TRAPPC10: variants seen among roughly 807,000 people sequenced by gnomAD.
TRAPPC10 encodes the protein TRAPP 130 kDa subunit.
TRAPPC10 carries 23 observed loss-of-function variants against 125.5 expected under a neutral mutation model. The observed-to-expected ratio is 0.18, with a 90% CI of 0.13 to 0.26. The LOEUF is 0.26. TRAPPC10 is among the 10% of genes least tolerant of loss of function. The pLI is 1.00. For missense variants in TRAPPC10, 1,123 were observed against 1,308.4 expected, an observed-to-expected ratio of 0.86 and a Z score of 2.19; for synonymous variants, 509 against 518.0, an observed-to-expected ratio of 0.98 and a Z score of 0.24.
chr21:44,033,245 A>G (rs1168783202), intron 2 of TRAPPC10, among the ~76,000 whole-genome samples: 1 of 152,182 alleles, frequency 6.6e-6, no homozygotes, highest in African/African-American at 2.4e-5. Flanking sequence ...TTATAGCATT[A>G]TTCCTTTCTG....
Position 44,039,085 on chromosome 21 carries a change from C to G in TRAPPC10, c.285+1158C>G, listed in dbSNP as rs190483558. Among the ~76,000 whole-genome samples the G allele has an allele frequency of 2.4e-4, 37 of 152,332 alleles. 1 individual carries two copies. In the East Asian group the frequency reaches 4.8e-3, roughly 20 times the overall value. On this transcript the variant is annotated intron_variant, in intron 3 of 22. Coordinates refer to ENST00000291574, the MANE Select transcript of TRAPPC10 (RefSeq NM_003274.5). ...TTTGATCACTCCTCCAGGAGTTGTC[C>G]GGTTCCTCCCTGGCGTGGGGCTGTT... is the stretch of plus-strand genomic sequence containing the variant.
Position 44,063,441 on chromosome 21 carries a change from G to A in TRAPPC10, c.791-97G>A, listed in dbSNP as rs1317458482. ...CAGTGTTCATAGAAAAACTGGTTAT[G>A]AAGCTGCCTGTTTGCCCACCATCCT... On this transcript the variant is annotated intron_variant, in intron 6 of 22. Transcript: ENST00000291574. This position sits in a 1 kb window ranked among gnomAD's most constrained non-coding sequence, Gnocchi z 4.4. 1 of 1,524,938 alleles carries A rather than the reference G, an allele frequency of 6.6e-7. No individual in the cohort carries two copies. The highest frequency in any genetic ancestry group is 8.8e-7 in the Non-Finnish European group (1 of 1,130,942). 94.5% of individuals were successfully genotyped at this position (1,524,938 alleles called of 1,614,324 possible).
At chr21:44,046,803 C>T (rs569190598) in intron 3 of TRAPPC10, 28 of 539,622 alleles carry the variant, frequency 5.2e-5, no homozygotes, top group Admixed American at 4.0e-4. Context: ...CCACCGCACC[C>T]GGCCACCTTT....
chr21:44,094,890 G>GT (rs993980097), intron 20 of TRAPPC10, among the ~76,000 whole-genome samples: 2 of 151,910 alleles, frequency 1.3e-5, no homozygotes, highest in South Asian at 2.1e-4. Flanking sequence ...GATATTAGCA[G>GT]TTTTTTTCTA....
intron 3 of TRAPPC10, among the ~76,000 whole-genome samples, chr21:44,039,748 CCAG>C (rs2034280947): frequency 6.6e-6 from 1 of 152,146 alleles, no homozygotes; most frequent in Non-Finnish European, 1.5e-5. Context: ...GCCTGTAATC[CCAG>C]CTACTCGGTA....
At chr21:44,084,045 G>T in intron 14 of TRAPPC10, 77 bp from the exon 15 acceptor site, 1 of 1,564,452 alleles carries the variant, frequency 6.4e-7, no homozygotes, top group South Asian at 1.2e-5. Context: ...CAGAGAGACC[G>T]CTGCACCGCG....
chr21:44,043,071 A>G (rs1437422155), intron 3 of TRAPPC10, among the ~76,000 whole-genome samples: 1 of 152,084 alleles, frequency 6.6e-6, no homozygotes, highest in East Asian at 1.9e-4. Context: ...ACCATTTCAT[A>G]ATAGTGTGTC....
intron 4 of TRAPPC10, among the ~76,000 whole-genome samples, chr21:44,055,485 G>C (rs2035516163): frequency 6.6e-6 from 1 of 151,896 alleles, no homozygotes; most frequent in Non-Finnish European, 1.5e-5. Flanking sequence ...CAGCTACTGG[G>C]GAGGATCACT....
chr21:44,029,550 G>C (rs2033389664), intron 1 of TRAPPC10, among the ~76,000 whole-genome samples: 1 of 152,194 alleles, frequency 6.6e-6, no homozygotes, highest in South Asian at 2.1e-4. Flanking sequence ...TGTTAATGCA[G>C]CGCCTCAGTG....
rs564810178 is a variant in TRAPPC10 at position 44,079,426 on chromosome 21, G to A, written c.1470-138G>A. On this transcript the variant is annotated intron_variant, in intron 11 of 22. Coordinates refer to ENST00000291574, the MANE Select transcript of TRAPPC10 (RefSeq NM_003274.5). ...CTCTTTCTCACGGAGTGGGGTGGGT[G>A]GAAAAGGGCTATCTAGAGATGTTGA... The A allele has an allele frequency of 1.9e-5, 17 of 910,304 alleles. No individual in the cohort carries two copies. In the East Asian group the frequency reaches 4.9e-4, roughly 26 times the overall value. 56.4% of individuals were successfully genotyped at this position (910,304 alleles called of 1,614,324 possible).
intron 6 of TRAPPC10, among the ~76,000 whole-genome samples, chr21:44,061,760 A>C (rs2036075969): frequency 1.3e-5 from 2 of 152,100 alleles, no homozygotes; most frequent in African/African-American, 4.8e-5. Context: ...CTAGAACTTA[A>C]TCTGTTTATT....
intron 11 of TRAPPC10, chr21:44,079,359 G>T (rs749701968): frequency 1.9e-6 from 1 of 530,022 alleles, no homozygotes; most frequent in South Asian, 3.0e-5. Flanking sequence ...TCATTTCTCA[G>T]ATCTTTGCCT....
At chr21:44,043,592 C>G (rs563940771) in intron 3 of TRAPPC10, among the ~76,000 whole-genome samples, 1 of 152,070 alleles carries the variant, frequency 6.6e-6, no homozygotes, top group East Asian at 1.9e-4. Flanking sequence ...TTCCACATGT[C>G]GAGTGTCCAA....
In TRAPPC10 at chr21:44,063,133, C is replaced by T. The variant is rs2036180117; in HGVS notation, c.791-405C>T. The T allele has an allele frequency of 7.7e-7, 1 of 1,306,258 alleles. No homozygotes were observed. Among genetic ancestry groups the T allele is most frequent in the African/African-American group, 1.5e-5 (1 of 65,906 alleles). The allele number at this position is 1,306,258 out of a possible 1,614,324, so 80.9% of individuals were successfully genotyped here. ...TAATCTAAGGAAGACCAAAAAACAC[C>T]AGGATGGTCAGAGCAGGCTGCACTC... On this transcript the variant is annotated intron_variant, in intron 6 of 22. Transcript: ENST00000291574. This position sits in a 1 kb window ranked among gnomAD's most constrained non-coding sequence, Gnocchi z 4.4.
At chr21:44,057,234 T>C (rs2035665500) in intron 5 of TRAPPC10, among the ~76,000 whole-genome samples, 1 of 151,986 alleles carries the variant, frequency 6.6e-6, no homozygotes, top group East Asian at 1.9e-4. Flanking sequence ...TGAGAAAGTT[T>C]GGGATATTGG....
chr21:44,046,414 C>A, intron 3 of TRAPPC10: 1 of 278,648 alleles, frequency 3.6e-6, no homozygotes, highest in South Asian at 4.7e-5. Context: ...GACACCACCA[C>A]CAGCAATTGT....
At chr21:44,032,562 T>C (rs975316968) in intron 2 of TRAPPC10, among the ~76,000 whole-genome samples, 1 of 152,148 alleles carries the variant, frequency 6.6e-6, no homozygotes, top group African/African-American at 2.4e-5. Flanking sequence ...TTTGTAGTTT[T>C]AGTAGAGACA....
chr21:44,089,791 G>A (rs1420087861), intron 17 of TRAPPC10, 42 bp from the exon 18 acceptor site: 7 of 1,521,210 alleles, frequency 4.6e-6, no homozygotes, highest in Admixed American at 1.7e-5. Flanking sequence ...TGTGCTGTCC[G>A]TCGGCGAGTG....
Position 44,086,925 on chromosome 21 carries a change from C to T in TRAPPC10, c.2504C>T (p.Ala835Val), listed in dbSNP as rs149723115. The part of the protein sequence containing the change: ...NAEAMLILCQ[A>V]ESRAVVYSNT... The stretch of plus-strand genomic sequence containing the variant: ...GAAGCCATGCTCATCCTGTGCCAGG[C>T]GGAGAGCAGGGCTGTGGTCTACTCC... The change falls in exon 16 of 23, where the codon GCG becomes GTG. Residue 835 changes from alanine (A) to valine (V), a missense_variant. Ala to Val is a moderately conservative substitution (Grantham distance 64, BLOSUM62 0). Around this residue, in one of 4 missense-constraint regions of TRAPPC10, gnomAD observed 840 missense variants for 902.0 expected, o/e 0.93. Transcript: ENST00000291574. 2.5e-5 allele frequency: 41 copies of T among 1,614,024 alleles called. No homozygotes were observed. Among genetic ancestry groups the T allele is most frequent in the African/African-American group, 2.0e-4 (15 of 74,906 alleles).
Sources: allele counts gnomAD v4.1 joint callset (sites outside exome capture counted in the v4.1 genomes callset), GRCh38; gene constraint gnomAD v4.1.1; regional missense constraint gnomAD v4.1.1; non-coding constraint Gnocchi (gnomAD v3.1); transcripts MANE v1.5; gene names NCBI Gene and HGNC (gene_info 2026-07-23, HGNC 2026-07-21).